The following FBXL17 variants were observed in gnomAD, a reference collection of about 807,000 sequenced individuals.
The protein encoded by FBXL17 is F-box/LRR-repeat protein 17.
FBXL17 carries 22 observed loss-of-function variants against 66.2 expected under a neutral mutation model. The ratio of observed to expected loss-of-function variants is 0.33; its 90% CI spans 0.24 to 0.47. FBXL17 has a LOEUF of 0.47. FBXL17 is among the 20% of genes least tolerant of loss of function. The pLI is 1.00. For synonymous variants in FBXL17, 474 were observed against 400.5 expected (o/e 1.18, Z -2.19); for missense variants, 878 against 948.2 (o/e 0.93, Z 0.97).
chr5:108,330,763 C>A (rs1026229842), intron 4 of FBXL17, among the ~76,000 whole-genome samples: 2 of 152,074 alleles, frequency 1.3e-5, no homozygotes, highest in African/African-American at 4.8e-5. Context: ...CACATGCACA[C>A]ACATCATTGC....
At chr5:108,249,647 C>A (rs1022455240) in intron 4 of FBXL17, among the ~76,000 whole-genome samples, 1 of 152,110 alleles carries the variant, frequency 6.6e-6, no homozygotes, top group Non-Finnish European at 1.5e-5. Flanking sequence ...TGCACCCCGG[C>A]CTTCGGGAAT....
At chr5:108,177,765 T>C (rs959674204) in intron 6 of FBXL17, among the ~76,000 whole-genome samples, 2 of 151,886 alleles carry the variant, frequency 1.3e-5, no homozygotes, top group Admixed American at 6.6e-5. Context: ...TTCCTTTGTT[T>C]GAAAATAGGG....
At chr5:108,296,886 A>G (rs1412005644) in intron 4 of FBXL17, among the ~76,000 whole-genome samples, 1 of 151,598 alleles carries the variant, frequency 6.6e-6, no homozygotes, top group Non-Finnish European at 1.5e-5. Flanking sequence ...TATTAATAAC[A>G]AAAATGGTAA....
intron 6 of FBXL17, among the ~76,000 whole-genome samples, chr5:108,171,628 G>C (rs578038834): frequency 1.3e-5 from 2 of 152,094 alleles, no homozygotes; most frequent in African/African-American, 2.4e-5. Flanking sequence ...AAATTTAGTA[G>C]CTTTAAAAAA....
intron 4 of FBXL17, among the ~76,000 whole-genome samples, chr5:108,345,924 T>C (rs542460940): frequency 2.8e-4 from 43 of 152,296 alleles, no homozygotes; most frequent in African/African-American, 8.7e-4. Context: ...ATATTCAGTT[T>C]ATTAAGAGAA....
chr5:107,908,444 A>T (rs1323474090), intron 7 of FBXL17, among the ~76,000 whole-genome samples: 1 of 152,206 alleles, frequency 6.6e-6, no homozygotes, highest in East Asian at 1.9e-4. Context: ...AGACATTAAA[A>T]TATATCATTT....
At position 108,114,730 on chromosome 5, in the gene FBXL17, G is replaced by C. The variant is rs183010946; in HGVS notation, c.1745+71387C>G. Among the ~76,000 whole-genome samples the C allele has an allele frequency of 1.1e-4, 17 of 152,276 alleles. No homozygotes were observed. In the East Asian group the frequency reaches 2.9e-3, roughly 26 times the overall value. ...TTCAATGCCTGTAAAGAGAATTAGA[G>C]ATAGGCCACTGAATGCCAATCACAC... is the stretch of plus-strand genomic sequence containing the variant. On this transcript the variant is annotated intron_variant, in intron 6 of 8. Transcript: ENST00000542267.
chr5:108,352,146 A>G (rs572042216), intron 3 of FBXL17, among the ~76,000 whole-genome samples: 4 of 152,348 alleles, frequency 2.6e-5, no homozygotes, highest in Non-Finnish European at 5.9e-5. Context: ...ATTTACTACT[A>G]CTGAGTAAAA....
chr5:108,239,079 A>T (rs1755736372), intron 4 of FBXL17, among the ~76,000 whole-genome samples: 1 of 151,996 alleles, frequency 6.6e-6, no homozygotes, highest in Non-Finnish European at 1.5e-5. Flanking sequence ...TTTTAGAGAC[A>T]GTGTCACACA....
chr5:108,340,049 C>T (rs1746775408), intron 4 of FBXL17, among the ~76,000 whole-genome samples: 1 of 151,358 alleles, frequency 6.6e-6, no homozygotes, highest in Non-Finnish European at 1.5e-5. Flanking sequence ...AGAAAAAATA[C>T]ACATTCATTC....
chr5:107,870,604 T>A (rs578246145), intron 8 of FBXL17, among the ~76,000 whole-genome samples: 16 of 152,066 alleles, frequency 1.1e-4, no homozygotes, highest in African/African-American at 3.9e-4. Flanking sequence ...TTTTTTTTTT[T>A]TGAGATGGAG....
chr5:108,115,367 T>C (rs1264845420), intron 6 of FBXL17, among the ~76,000 whole-genome samples: 6 of 151,922 alleles, frequency 3.9e-5, no homozygotes, highest in Non-Finnish European at 2.9e-5. Flanking sequence ...AATTATAGTA[T>C]TTAAAATTTT....
At chr5:108,329,512 C>G (rs960747292) in intron 4 of FBXL17, among the ~76,000 whole-genome samples, 1 of 152,094 alleles carries the variant, frequency 6.6e-6, no homozygotes, top group Non-Finnish European at 1.5e-5. Flanking sequence ...AAATAAACAT[C>G]AACTCAATAG....
intron 5 of FBXL17, among the ~76,000 whole-genome samples, chr5:108,215,553 T>TA (rs2150066115): frequency 6.6e-6 from 1 of 152,318 alleles, no homozygotes; most frequent in South Asian, 2.1e-4. Flanking sequence ...TTTGCACATT[T>TA]AAAAAAATTA....
chr5:108,261,761 T>TA (rs1342106463), intron 4 of FBXL17, among the ~76,000 whole-genome samples: 1 of 149,750 alleles, frequency 6.7e-6, no homozygotes, highest in Non-Finnish European at 1.5e-5. Flanking sequence ...AACACAAGCT[T>TA]AAAAAAAAGA....
intron 6 of FBXL17, among the ~76,000 whole-genome samples, chr5:108,097,345 G>A (rs1471729975): frequency 6.6e-6 from 1 of 152,176 alleles, no homozygotes; most frequent in Non-Finnish European, 1.5e-5. Context: ...CTGGCATTGT[G>A]AAAATGGACT....
intron 4 of FBXL17, among the ~76,000 whole-genome samples, chr5:108,335,672 T>C (rs1044753556): frequency 1.3e-5 from 2 of 152,226 alleles, no homozygotes; most frequent in Admixed American, 6.5e-5. Context: ...TTTACCACTA[T>C]TGAAGATCAG....
At chr5:107,966,513 C>T (rs1289662904) in intron 7 of FBXL17, among the ~76,000 whole-genome samples, 1 of 152,126 alleles carries the variant, frequency 6.6e-6, no homozygotes, top group Non-Finnish European at 1.5e-5. Context: ...TTCAAGCAAT[C>T]CCTGTTTCCA....
chr5:108,099,319 C>A (rs559124019), intron 6 of FBXL17, among the ~76,000 whole-genome samples: 4 of 152,240 alleles, frequency 2.6e-5, no homozygotes, highest in South Asian at 2.1e-4. Context: ...TCTTAGTTTT[C>A]TTAGGCTAGG....
Sources: allele counts gnomAD v4.1 joint callset (sites outside exome capture counted in the v4.1 genomes callset), GRCh38; gene constraint gnomAD v4.1.1; transcripts MANE v1.5; gene names NCBI Gene and HGNC (gene_info 2026-07-23, HGNC 2026-07-21).